DNAH2: variants seen among roughly 807,000 people sequenced by gnomAD.
DNAH2 encodes the protein axonemal beta dynein heavy chain 2.
DNAH2 carries 323 observed loss-of-function variants against 523.5 expected under a neutral mutation model. The observed-to-expected ratio is 0.62, with a 90% CI of 0.56 to 0.68. DNAH2 has a LOEUF of 0.68. DNAH2 is among the 30% of genes least tolerant of loss of function. The pLI is 0.00. For synonymous variants in DNAH2, 2,093 were observed against 2,177.4 expected (o/e 0.96, Z 1.08); for missense variants, 4,907 against 5,701.5 (o/e 0.86, Z 4.49).
intron 49 of DNAH2, among the ~76,000 whole-genome samples, chr17:7,795,820 A>G (rs2077045996): frequency 6.8e-6 from 1 of 147,642 alleles, no homozygotes; most frequent in Non-Finnish European, 1.5e-5. Flanking sequence ...ACCATGGAGA[A>G]ACCCTGTCTC....
chr17:7,766,611 G>A (rs2076174778), intron 22 of DNAH2, 130 bp downstream of exon 22: 1 of 544,646 alleles, frequency 1.8e-6, no homozygotes, highest in East Asian at 4.8e-5. Context: ...TGTTTCAGTT[G>A]AGGTAAAATT....
chr17:7,738,109 G>C (rs982173420), intron 8 of DNAH2: 1 of 703,530 alleles, frequency 1.4e-6, no homozygotes, highest in African/African-American at 1.7e-5. Context: ...AGGCTGTGCA[G>C]ATGCACATCC....
intron 72 of DNAH2, 140 bp downstream of exon 72, chr17:7,819,548 ACT>A: frequency 1.2e-6 from 1 of 832,738 alleles, no homozygotes; most frequent in Non-Finnish European, 1.9e-6. Context: ...GTAGCTCCTC[ACT>A]CTCATGGCTT....
chr17:7,719,667 G>T (rs1215403612), intron 1 of DNAH2, 54 bp from the exon 2 acceptor site: 6 of 1,600,696 alleles, frequency 3.7e-6, no homozygotes, highest in Non-Finnish European at 2.6e-6. Flanking sequence ...GTATCAGGGG[G>T]CTGGTTCAGG....
At chr17:7,769,463 G>A (rs1169758094) in intron 24 of DNAH2, among the ~76,000 whole-genome samples, 3 of 152,224 alleles carry the variant, frequency 2.0e-5, no homozygotes, top group African/African-American at 2.4e-5. Context: ...TGCCCGTCCC[G>A]CCTTATGTCT....
In DNAH2 at chr17:7,794,309, C is replaced by A. The variant is rs756240823; in HGVS notation, c.7625C>A (p.Ser2542Tyr). The A allele has an allele frequency of 8.1e-6, 13 of 1,610,474 alleles. No homozygotes were observed. In the South Asian group the frequency reaches 1.3e-4, roughly 16 times the overall value. Residue 2542 changes from serine (S) to tyrosine (Y), a missense_variant, in exon 49 of 86, where the codon TCC becomes TAC. Physicochemically the swap from Ser to Tyr is moderately radical, Grantham distance 144. Coordinates refer to ENST00000572933, the MANE Select transcript of DNAH2 (RefSeq NM_020877.5). Reference protein sequence around the residue: ...GPPGGGRTVISPRLRSRFNII... With the variant: ...GPPGGGRTVIYPRLRSRFNII... ...CCTGGGGGTGGACGGACTGTCATCTCCCCAAGGCTACGGAGTCGCTTCAAC... is the reference window on the plus strand; with the variant it reads ...CCTGGGGGTGGACGGACTGTCATCTACCCAAGGCTACGGAGTCGCTTCAAC...
intron 33 of DNAH2, 29 bp from the exon 34 acceptor site, chr17:7,778,046 CCT>C: frequency 6.3e-7 from 1 of 1,584,778 alleles, no homozygotes; most frequent in Non-Finnish European, 8.7e-7. Flanking sequence ...TCCAAGCCCA[CCT>C]CTCTCTTTTT....
At chr17:7,775,133 T>C (rs1452126596) in intron 29 of DNAH2, 108 bp from the exon 30 acceptor site, 2 of 1,284,422 alleles carry the variant, frequency 1.6e-6, no homozygotes, top group South Asian at 1.3e-5. Flanking sequence ...ATTGGTAATA[T>C]TGAGAGGAGG....
chr17:7,776,162 C>A lies in DNAH2; in HGVS notation c.4947+13C>A. 6.2e-7 allele frequency: 1 copy of A among 1,612,374 alleles called. No homozygotes were observed. Among genetic ancestry groups the A allele is most frequent in the South Asian group, 1.1e-5 (1 of 90,972 alleles). ...GTGGGCTGGCCAGGTGAGCTGGGGT[C>A]AACAGAAGTGAGGGAACAAGGGGCT... is the stretch of plus-strand genomic sequence containing the variant. On this transcript the variant is annotated intron_variant, in intron 31 of 85. Coordinates refer to ENST00000572933, the MANE Select transcript of DNAH2 (RefSeq NM_020877.5).
intron 8 of DNAH2, 85 bp downstream of exon 8, chr17:7,737,343 T>G: frequency 7.0e-7 from 1 of 1,428,026 alleles, no homozygotes; most frequent in Non-Finnish European, 9.6e-7. Flanking sequence ...CGGCAGAGGA[T>G]CTGTGGTTGA....
At chr17:7,790,712 T>A (rs112845880) in intron 44 of DNAH2, among the ~76,000 whole-genome samples, 3,108 of 113,298 alleles carry the variant, frequency 0.027, 104 homozygotes, top group African/African-American at 0.071. Context: ...ACCTCTTTTT[T>A]AATTTTTTTT....
intron 77 of DNAH2, among the ~76,000 whole-genome samples, chr17:7,827,909 C>T (rs966126523): frequency 1.3e-5 from 2 of 151,704 alleles, no homozygotes; most frequent in Non-Finnish European, 2.9e-5. Context: ...ATTGTTTTAT[C>T]CTGGAATCAA....
Position 7,776,789 on chromosome 17 carries a change from C to A in DNAH2, c.4958C>A (p.Thr1653Asn). The A allele has an allele frequency of 6.2e-7, 1 of 1,612,510 alleles. No individual in the cohort carries two copies. Among genetic ancestry groups the A allele is most frequent in the South Asian group, 1.1e-5 (1 of 91,032 alleles). The part of the protein sequence containing the change: ...VKEWAGQVVI[T>N]ASQIQWTADV... ...TCTGCACATCCCCAGGTGGTGATCA[C>A]TGCCAGTCAGATCCAGTGGACGGCT... The change falls in exon 32 of 86, where the codon ACT (threonine) becomes AAT (asparagine). Residue 1653 changes from threonine (T) to asparagine (N), a missense_variant. Coordinates refer to ENST00000572933, the MANE Select transcript of DNAH2 (RefSeq NM_020877.5).
chr17:7,818,152 C>T, intron 68 of DNAH2, 56 bp downstream of exon 68: 3 of 1,605,682 alleles, frequency 1.9e-6, no homozygotes, highest in Non-Finnish European at 2.5e-6. Flanking sequence ...GAAGGGCTGG[C>T]TCTCTGACTG....
intron 12 of DNAH2, among the ~76,000 whole-genome samples, chr17:7,751,707 C>T (rs1250578333): frequency 4.6e-5 from 7 of 152,120 alleles, no homozygotes; most frequent in African/African-American, 1.7e-4. Context: ...AGGAACCAAA[C>T]TGTTTTAATT....
At chr17:7,723,160 C>T (rs185523125) in intron 2 of DNAH2, among the ~76,000 whole-genome samples, 2,457 of 150,424 alleles carry the variant, frequency 0.016, 66 homozygotes, top group African/African-American at 0.051. Context: ...TTAGTAGAGA[C>T]GGGGTTTCAC....
rs528216274 is a variant in DNAH2, at chr17:7,733,354, G to T, written c.628+39G>T. 279 of 1,599,676 alleles carry T rather than the reference G, an allele frequency of 1.7e-4. 6 individuals are homozygous for T. In the South Asian group the frequency reaches 3.0e-3, roughly 17 times the overall value. On this transcript the variant is annotated intron_variant, in intron 5 of 85. Transcript: ENST00000572933. ...CCGGAGTGACTAGTTTCTCCTTAGT[G>T]TCCCCCAACTGTACAACTAGTGAAG...
At chr17:7,810,441 C>T (rs1044784830) in intron 63 of DNAH2, among the ~76,000 whole-genome samples, 2 of 152,066 alleles carry the variant, frequency 1.3e-5, no homozygotes, top group African/African-American at 4.8e-5. Flanking sequence ...CAGGCTGGAG[C>T]ACGGTGGTGC....
chr17:7,775,295 G>A lies in DNAH2; in HGVS notation c.4774G>A (p.Glu1592Lys), dbSNP rs763473190. 5 of 1,613,514 alleles carry A rather than the reference G, an allele frequency of 3.1e-6. No homozygotes were observed. The highest frequency in any genetic ancestry group is 1.7e-4 in the Middle Eastern group (1 of 6,036). The change falls in exon 30 of 86, where the codon GAG becomes AAG. Residue 1592 changes from glutamate to lysine, a missense_variant. Coordinates refer to ENST00000572933, the MANE Select transcript of DNAH2 (RefSeq NM_020877.5). The stretch of plus-strand genomic sequence containing the variant: ...TGTGGGGATGTTCTCGGGCGACGGC[G>A]AGTACATTGACTTCCTCCACTCAGT... The part of the protein sequence containing the change: ...EAVGMFSGDG[E>K]YIDFLHSVFL...
Sources: allele counts gnomAD v4.1 joint callset (sites outside exome capture counted in the v4.1 genomes callset), GRCh38; gene constraint gnomAD v4.1.1; transcripts MANE v1.5; gene names NCBI Gene and HGNC (gene_info 2026-07-23, HGNC 2026-07-21).